ST3GAL2: variants seen among roughly 807,000 people sequenced by gnomAD.
The protein encoded by ST3GAL2 is CMP-N-acetylneuraminate-beta-galactosamide-alpha-2,3-sialyltransferase 2.
A neutral mutation model predicts 37.5 loss-of-function variants in ST3GAL2; 16 were observed. The observed-to-expected ratio is 0.43, with a 90% confidence interval of 0.29 to 0.65. The LOEUF is 0.65. Ranked by LOEUF, ST3GAL2 falls within the 30% of genes least tolerant of loss-of-function variation. ST3GAL2 has a pLI of 0.17. For missense variants in ST3GAL2, 383 were observed against 487.8 expected, an observed-to-expected ratio of 0.79 and a Z score of 2.02; for synonymous variants, 238 against 202.9, an observed-to-expected ratio of 1.17 and a Z score of -1.47.
At chr16:70,431,330 G>A (rs947089121) in intron 1 of ST3GAL2, among the ~76,000 whole-genome samples, 5 of 152,226 alleles carry the variant, frequency 3.3e-5, no homozygotes, top group Non-Finnish European at 5.9e-5. Context: ...GACCTGCTGA[G>A]GCTGGGGGGC....
In ST3GAL2 at chr16:70,381,645, C is replaced by G. The variant is rs754022182; in HGVS notation, c.*44G>C. The G allele has an allele frequency of 2.3e-5, 36 of 1,597,898 alleles. No homozygotes were observed. The highest frequency in any genetic ancestry group is 2.9e-5 in the Non-Finnish European group (34 of 1,171,860). On this transcript the variant is annotated 3_prime_UTR_variant, in exon 7 of 7. Coordinates refer to ENST00000342907, the MANE Select transcript of ST3GAL2 (RefSeq NM_006927.4). ...GGTCCTGGGTCCCGGGCCGGAGCCC[C>G]GGTGCCCGATAGATGGGCCGGAAGG...
chr16:70,412,977 G>A (rs988342256), intron 1 of ST3GAL2, among the ~76,000 whole-genome samples: 1 of 152,204 alleles, frequency 6.6e-6, no homozygotes, highest in South Asian at 2.1e-4. Context: ...GGCTGGGCAC[G>A]GTGGCACACA....
At chr16:70,413,224 T>C (rs1189486741) in intron 1 of ST3GAL2, among the ~76,000 whole-genome samples, 7 of 147,806 alleles carry the variant, frequency 4.7e-5, no homozygotes, top group Non-Finnish European at 1.0e-4. Context: ...CACTCCAGCC[T>C]GGGCAACAAG....
intron 1 of ST3GAL2, among the ~76,000 whole-genome samples, chr16:70,436,874 T>C (rs951172944): frequency 1.6e-4 from 25 of 152,070 alleles, no homozygotes; most frequent in Admixed American, 1.6e-3. Flanking sequence ...CAGGATGTGG[T>C]ATAGGACAAC....
intron 1 of ST3GAL2, among the ~76,000 whole-genome samples, chr16:70,409,124 G>A (rs1298413848): frequency 6.6e-6 from 1 of 151,876 alleles, no homozygotes; most frequent in Admixed American, 6.6e-5. Flanking sequence ...TCTACACTAA[G>A]GCATGAAGTA....
chr16:70,401,951 G>A (rs537137755), intron 1 of ST3GAL2, among the ~76,000 whole-genome samples: 8 of 130,126 alleles, frequency 6.1e-5, no homozygotes, highest in East Asian at 2.4e-4. Flanking sequence ...CCAAGATCAC[G>A]CCATTGTACT....
At chr16:70,383,707 G>C (rs2047422380) in intron 4 of ST3GAL2, among the ~76,000 whole-genome samples, 1 of 151,884 alleles carries the variant, frequency 6.6e-6, no homozygotes, top group Non-Finnish European at 1.5e-5. Flanking sequence ...ATGGGACCTA[G>C]GGATGCCCCC....
chr16:70,427,078 G>T (rs1344014283), intron 1 of ST3GAL2, among the ~76,000 whole-genome samples: 1 of 151,886 alleles, frequency 6.6e-6, no homozygotes, highest in Non-Finnish European at 1.5e-5. Flanking sequence ...CGAACTCCTG[G>T]GCTTAGGCAA....
intron 1 of ST3GAL2, among the ~76,000 whole-genome samples, chr16:70,407,219 C>T (rs2047598820): frequency 6.6e-6 from 1 of 151,278 alleles, no homozygotes; most frequent in East Asian, 1.9e-4. Context: ...TGGCTCACTG[C>T]AACCTCCACC....
chr16:70,398,755 T>A lies in ST3GAL2; in HGVS notation c.-225A>T. 4 of 592,638 alleles carry A rather than the reference T, an allele frequency of 6.7e-6. No homozygotes were observed. The South Asian group carries it at 8.3e-5, about 12-fold the overall frequency. The allele number at this position is 592,638 out of a possible 1,614,324, so 36.7% of individuals were successfully genotyped here. ...CTGTCCCTGAGTCAGGCGGGGCCCC[T>A]GCTTAGGGCTTCATCGGGTCTCTCC... is the stretch of plus-strand genomic sequence containing the variant. On this transcript the variant is annotated 5_prime_UTR_variant, in exon 2 of 7. Transcript: ENST00000342907.
At chr16:70,437,386 A>G (rs1278171894) in intron 1 of ST3GAL2, among the ~76,000 whole-genome samples, 1 of 151,874 alleles carries the variant, frequency 6.6e-6, no homozygotes, top group Non-Finnish European at 1.5e-5. Flanking sequence ...TCAGATCAAG[A>G]TTGCTCCTTC....
chr16:70,398,861 C>T lies in ST3GAL2; in HGVS notation c.-331G>A. 2.1e-6 allele frequency: 1 copy of T among 485,544 alleles called. No homozygotes were observed. The highest frequency in any genetic ancestry group is 3.6e-6 in the Non-Finnish European group (1 of 276,824). The allele number at this position is 485,544 out of a possible 1,614,324, so 30.1% of individuals were successfully genotyped here. On this transcript the variant is annotated 5_prime_UTR_variant, in exon 2 of 7. Transcript: ENST00000342907. ...GTCAGTCCATTGCAGCCCTCTAGTC[C>T]CTTGGGATTGCTGGCTGCCAGCTCT...
At chr16:70,410,848 T>C (rs2047633637) in intron 1 of ST3GAL2, among the ~76,000 whole-genome samples, 2 of 148,710 alleles carry the variant, frequency 1.3e-5, no homozygotes, top group Non-Finnish European at 3.0e-5. Context: ...TTGCCGTCTG[T>C]AGCAGACACT....
intron 6 of ST3GAL2, among the ~76,000 whole-genome samples, chr16:70,382,082 T>C (rs571420352): frequency 1.3e-5 from 2 of 149,552 alleles, no homozygotes; most frequent in South Asian, 4.3e-4. Context: ...AATGGAGTAC[T>C]TTGATCAGCA....
At chr16:70,384,279 G>C (rs981167098) in intron 4 of ST3GAL2, among the ~76,000 whole-genome samples, 3 of 152,100 alleles carry the variant, frequency 2.0e-5, no homozygotes, top group Admixed American at 2.0e-4. Flanking sequence ...ATAGTATTCA[G>C]CCTTTAAAAA....
intron 4 of ST3GAL2, 119 bp downstream of exon 4, chr16:70,388,248 T>A: frequency 7.4e-7 from 1 of 1,346,134 alleles, no homozygotes. Flanking sequence ...CCCTCCCTTC[T>A]CACCAGCCCC....
At chr16:70,421,442 TA>T (rs1431956495) in intron 1 of ST3GAL2, among the ~76,000 whole-genome samples, 3 of 152,132 alleles carry the variant, frequency 2.0e-5, no homozygotes, top group African/African-American at 7.2e-5. Flanking sequence ...GGATCTGGCC[TA>T]AGCTGAGTTA....
At chr16:70,435,738 G>A (rs2047820522) in intron 1 of ST3GAL2, among the ~76,000 whole-genome samples, 2 of 151,752 alleles carry the variant, frequency 1.3e-5, no homozygotes, top group South Asian at 4.1e-4. Context: ...AGGTTGCAGT[G>A]AGCCGAGATC....
chr16:70,397,564 A>C (rs535983970), intron 2 of ST3GAL2, among the ~76,000 whole-genome samples: 104 of 151,896 alleles, frequency 6.8e-4, no homozygotes, highest in African/African-American at 2.5e-3. Context: ...TCTGTACTAA[A>C]AATACAAAAA....
Sources: allele counts gnomAD v4.1 joint callset (sites outside exome capture counted in the v4.1 genomes callset), GRCh38; gene constraint gnomAD v4.1.1; transcripts MANE v1.5; gene names NCBI Gene and HGNC (gene_info 2026-07-23, HGNC 2026-07-21).